Variants in SLC9A9 observed in about 807,000 individuals in gnomAD.
SLC9A9 encodes the protein solute carrier family 9 member A9.
Under a neutral mutation model 77.8 loss-of-function variants are expected in SLC9A9, and 62 were observed. The ratio of observed to expected loss-of-function variants is 0.80; its 90% CI spans 0.65 to 0.98. The LOEUF is 0.98. SLC9A9 is among the 50% of genes least tolerant of loss of function. SLC9A9 has a pLI of 0.00. For synonymous variants in SLC9A9, 320 were observed against 283.5 expected, an observed-to-expected ratio of 1.13 and a Z score of -1.29; for missense variants, 775 against 774.9, an observed-to-expected ratio of 1.00 and a Z score of 0.00.
chr3:143,411,634 T>G (rs2034097820), intron 12 of SLC9A9, among the ~76,000 whole-genome samples: 1 of 152,230 alleles, frequency 6.6e-6, no homozygotes, highest in Admixed American at 6.5e-5. Flanking sequence ...CTTCCTGTAC[T>G]CTAATTATAT....
chr3:143,352,534 C>T (rs753205845), intron 14 of SLC9A9, among the ~76,000 whole-genome samples: 2 of 152,174 alleles, frequency 1.3e-5, no homozygotes, highest in Non-Finnish European at 2.9e-5. Flanking sequence ...TCTTCCCCTA[C>T]ATTTAAAAGG....
chr3:143,324,244 C>CA (rs2031509027), intron 14 of SLC9A9, among the ~76,000 whole-genome samples: 6 of 152,080 alleles, frequency 3.9e-5, no homozygotes, highest in Admixed American at 3.9e-4. Flanking sequence ...TTGCAATGTT[C>CA]CCCAGGCAGT....
At chr3:143,449,833 TATATGTA>T (rs1285183580) in intron 12 of SLC9A9, among the ~76,000 whole-genome samples, 4 of 27,496 alleles carry the variant, frequency 1.5e-4, no homozygotes, top group East Asian at 0.056. Flanking sequence ...CATATATAAT[TATATGTA>T]TTATATATAT....
At chr3:143,749,520 T>C (rs1025701023) in intron 4 of SLC9A9, among the ~76,000 whole-genome samples, 1 of 152,236 alleles carries the variant, frequency 6.6e-6, no homozygotes, top group African/African-American at 2.4e-5. Context: ...TTCCACTTTA[T>C]AAGGACTAAC....
At chr3:143,777,214 A>G (rs189392412) in intron 4 of SLC9A9, among the ~76,000 whole-genome samples, 8 of 152,354 alleles carry the variant, frequency 5.3e-5, no homozygotes, top group Non-Finnish European at 2.9e-5. Flanking sequence ...AAACTGGACA[A>G]TCAGAGTTAC....
intron 14 of SLC9A9, among the ~76,000 whole-genome samples, chr3:143,284,891 T>C (rs557247927): frequency 2.0e-5 from 3 of 152,166 alleles, no homozygotes; most frequent in African/African-American, 4.8e-5. Flanking sequence ...GCAATACTTA[T>C]GACAAAATGA....
At chr3:143,356,818 T>G (rs1223884107) in intron 14 of SLC9A9, among the ~76,000 whole-genome samples, 4 of 152,198 alleles carry the variant, frequency 2.6e-5, no homozygotes, top group Non-Finnish European at 5.9e-5. Context: ...CCCAGCCTCT[T>G]TCAGGAAGCT....
intron 12 of SLC9A9, among the ~76,000 whole-genome samples, chr3:143,426,572 A>T (rs1222648190): frequency 6.6e-6 from 1 of 152,240 alleles, no homozygotes; most frequent in Non-Finnish European, 1.5e-5. Context: ...AATTTAAAAA[A>T]TATCAATTTA....
intron 9 of SLC9A9, among the ~76,000 whole-genome samples, chr3:143,521,044 A>C (rs1276361766): frequency 6.6e-6 from 1 of 152,180 alleles, no homozygotes; most frequent in East Asian, 1.9e-4. Flanking sequence ...ATATCATTTT[A>C]AATTCTTTAA....
intron 5 of SLC9A9, among the ~76,000 whole-genome samples, chr3:143,669,685 T>C (rs1235416658): frequency 6.6e-6 from 1 of 152,214 alleles, no homozygotes; most frequent in Non-Finnish European, 1.5e-5. Context: ...GTTGGAAACT[T>C]GACTGTGATG....
intron 14 of SLC9A9, among the ~76,000 whole-genome samples, chr3:143,358,825 A>T (rs1301839072): frequency 6.6e-6 from 1 of 152,262 alleles, no homozygotes; most frequent in Non-Finnish European, 1.5e-5. Context: ...AATCAACATG[A>T]TTGGTGAGAT....
chr3:143,587,037 C>T (rs1400557220), intron 6 of SLC9A9, among the ~76,000 whole-genome samples: 2 of 152,186 alleles, frequency 1.3e-5, no homozygotes, highest in African/African-American at 4.8e-5. Context: ...AGTGATTTTC[C>T]AAATCCTTGA....
intron 12 of SLC9A9, among the ~76,000 whole-genome samples, chr3:143,410,666 T>C (rs2034078686): frequency 6.6e-6 from 1 of 152,236 alleles, no homozygotes; most frequent in Non-Finnish European, 1.5e-5. Flanking sequence ...TGTCTTCTTT[T>C]GCACTTTACT....
intron 14 of SLC9A9, among the ~76,000 whole-genome samples, chr3:143,285,250 C>T (rs1938350905): frequency 6.6e-6 from 1 of 152,206 alleles, no homozygotes; most frequent in African/African-American, 2.4e-5. Flanking sequence ...CACACCCCAA[C>T]AGGCCCTGGT....
At chr3:143,551,437 C>G (rs1237994317) in intron 9 of SLC9A9, among the ~76,000 whole-genome samples, 1 of 152,224 alleles carries the variant, frequency 6.6e-6, no homozygotes, top group East Asian at 1.9e-4. Flanking sequence ...CATTCACAAG[C>G]CATGCTGAAC....
Position 143,797,532 on chromosome 3 carries a change from A to G in SLC9A9, c.379-629T>C, listed in dbSNP as rs1156993883. ...CCCAAAGCAAGTGAAGAATCACCAA[A>G]GAAGTGAAAATGGCCGGTTCCTGCC... is the stretch of plus-strand genomic sequence containing the variant. On this transcript the variant is annotated intron_variant, in intron 2 of 15. Coordinates refer to ENST00000316549, the MANE Select transcript of SLC9A9 (RefSeq NM_173653.4). 2.0e-5 allele frequency among the ~76,000 whole-genome samples: 3 copies of G among 152,314 alleles called. No individual in the cohort carries two copies. In the East Asian group the frequency reaches 5.8e-4, roughly 29 times the overall value.
At chr3:143,834,508 A>C (rs942562133) in intron 1 of SLC9A9, among the ~76,000 whole-genome samples, 31 of 150,668 alleles carry the variant, frequency 2.1e-4, no homozygotes, top group African/African-American at 6.8e-4. Context: ...TACTATCTGC[A>C]TGGGGCCTAA....
chr3:143,685,761 AG>A (rs1447042958), intron 5 of SLC9A9, among the ~76,000 whole-genome samples: 5 of 152,172 alleles, frequency 3.3e-5, no homozygotes, highest in Non-Finnish European at 7.4e-5. Flanking sequence ...TTTTCCTAAA[AG>A]AAGCTACTAT....
chr3:143,797,044 G>A, intron 2 of SLC9A9, 141 bp from the exon 3 acceptor site: 1 of 632,838 alleles, frequency 1.6e-6, no homozygotes, highest in Admixed American at 3.1e-5. Flanking sequence ...GATGAAGGTA[G>A]GAAAAAATGA....
Sources: allele counts gnomAD v4.1 joint callset (sites outside exome capture counted in the v4.1 genomes callset), GRCh38; gene constraint gnomAD v4.1.1; transcripts MANE v1.5; gene names NCBI Gene and HGNC (gene_info 2026-07-23, HGNC 2026-07-21).